The following SULF2 variants were observed in gnomAD, a reference collection of about 807,000 sequenced individuals.
The protein encoded by SULF2 is extracellular sulfatase Sulf-2.
A neutral mutation model predicts 107.7 loss-of-function variants in SULF2; 52 were observed. That is an observed-to-expected ratio of 0.48 (90% confidence interval 0.39 to 0.61). SULF2 has a LOEUF of 0.61. Among genes scored for constraint, SULF2 ranks in the 20% least tolerant of loss-of-function variants. The pLI is 0.00. For missense variants in SULF2, 993 were observed against 1,177.3 expected (o/e 0.84, Z 2.29); for synonymous variants, 460 against 464.3 (o/e 0.99, Z 0.12).
intron 4 of SULF2, among the ~76,000 whole-genome samples, chr20:47,692,016 T>C (rs2088212905): frequency 6.6e-6 from 1 of 152,186 alleles, no homozygotes; most frequent in African/African-American, 2.4e-5. Flanking sequence ...TCCTCCCACC[T>C]TGGCCTCCCA....
chr20:47,754,167 C>G (rs1198696214), intron 2 of SULF2, among the ~76,000 whole-genome samples: 1 of 152,264 alleles, frequency 6.6e-6, no homozygotes, highest in South Asian at 2.1e-4. Context: ...ACAAGCCCCT[C>G]GTCTTGTGTA....
At chr20:47,711,165 G>C (rs6066438) in intron 3 of SULF2, among the ~76,000 whole-genome samples, 22,208 of 152,200 alleles carry the variant, frequency 0.15, 1,987 homozygotes, top group Non-Finnish European at 0.2. Flanking sequence ...ACATGTCCCC[G>C]CCATGCCGGG....
In SULF2 at chr20:47,658,293, C is replaced by T; in HGVS notation, c.*69G>A. 2 of 1,547,540 alleles carry T rather than the reference C, an allele frequency of 1.3e-6. No individual in the cohort carries two copies. The highest frequency in any genetic ancestry group is 1.1e-5 in the South Asian group (1 of 89,718). ...CCACAGGTCTGCTGGAAATCACCCA[C>T]ATGGTTTTTCATTGCCTGTGCAGTC... is the stretch of plus-strand genomic sequence containing the variant. On this transcript the variant is annotated 3_prime_UTR_variant, in exon 21 of 21. Coordinates refer to ENST00000688720, the MANE Select transcript of SULF2 (RefSeq NM_001387048.1).
intron 2 of SULF2, among the ~76,000 whole-genome samples, chr20:47,750,641 T>C (rs1052539525): frequency 6.6e-6 from 1 of 152,222 alleles, no homozygotes; most frequent in Non-Finnish European, 1.5e-5. Context: ...TGTCCTCCTC[T>C]GCTCAATGTC....
chr20:47,785,950 C>G (rs1341520201), upstream of SULF2: 1 of 152,620 alleles, frequency 6.6e-6, no homozygotes, highest in Admixed American at 6.5e-5. Flanking sequence ...GAGCTGGGGT[C>G]CCGGCGGCTC....
At chr20:47,676,387 G>T in intron 10 of SULF2, 107 bp downstream of exon 10, 1 of 1,306,372 alleles carries the variant, frequency 7.7e-7, no homozygotes, top group Non-Finnish European at 1.0e-6. Flanking sequence ...AGGACTACCC[G>T]TTGGGAGGCC....
intron 2 of SULF2, among the ~76,000 whole-genome samples, chr20:47,741,004 C>T (rs1194159976): frequency 6.6e-6 from 1 of 152,144 alleles, no homozygotes; most frequent in Non-Finnish European, 1.5e-5. Flanking sequence ...AAGCCTGTTG[C>T]CCTCTCTTCA....
chr20:47,746,280 A>G lies in SULF2; in HGVS notation c.176-9338T>C, dbSNP rs1410688221. ...AGAGAACAGGCATTCAGTGGGGAAG[A>G]GAGGCTGTGGGGTCAGGTACAGGTT... On this transcript the variant is annotated intron_variant, in intron 2 of 20. Transcript: ENST00000688720. 2.0e-5 allele frequency among the ~76,000 whole-genome samples: 3 copies of G among 152,246 alleles called. No individual in the cohort carries two copies. In the East Asian group the frequency reaches 5.8e-4, roughly 29 times the overall value.
At position 47,682,806 on chromosome 20, in the gene SULF2, C is replaced by T. The variant is rs189296608; in HGVS notation, c.1064+188G>A. 1.3e-3 allele frequency among the ~76,000 whole-genome samples: 203 copies of T among 152,308 alleles called. 2 individuals are homozygous for T. Among genetic ancestry groups the T allele is most frequent in the Admixed American group, 0.012 (190 of 15,306 alleles). On this transcript the variant is annotated intron_variant, in intron 7 of 20. Transcript: ENST00000688720. ...CCACACCTGTTTCCACAGGTGCTAA[C>T]AGCTCCCGGCCTCTCCTTCCCCAGC...
intron 19 of SULF2, 107 bp from the exon 20 acceptor site, chr20:47,659,559 G>T: frequency 7.1e-7 from 1 of 1,402,608 alleles, no homozygotes; most frequent in Non-Finnish European, 1.0e-6. Context: ...CCTATCTTTG[G>T]TGGGTGATCC....
chr20:47,739,910 C>T (rs4809648), intron 2 of SULF2, among the ~76,000 whole-genome samples: 20,793 of 152,196 alleles, frequency 0.14, 1,424 homozygotes, highest in East Asian at 0.18. Flanking sequence ...CATTAAATAG[C>T]ATCACACAGG....
chr20:47,713,516 G>A (rs755328327), intron 3 of SULF2, among the ~76,000 whole-genome samples: 2 of 152,102 alleles, frequency 1.3e-5, no homozygotes, highest in Non-Finnish European at 2.9e-5. Context: ...TTGGGCAAGC[G>A]AGTGCTCCTG....
intron 11 of SULF2, among the ~76,000 whole-genome samples, chr20:47,671,946 G>T (rs1249017181): frequency 1.3e-5 from 2 of 152,274 alleles, no homozygotes; most frequent in South Asian, 4.1e-4. Context: ...CTGACCTCAG[G>T]TGATCTGCCT....
At chr20:47,767,584 T>C (rs1490759158) in intron 1 of SULF2, among the ~76,000 whole-genome samples, 2 of 152,224 alleles carry the variant, frequency 1.3e-5, no homozygotes, top group Non-Finnish European at 2.9e-5. Context: ...GAGACCATCC[T>C]GGTTAATGCG....
At chr20:47,784,972 C>G (rs2090897143) in intron 1 of SULF2, among the ~76,000 whole-genome samples, 2 of 152,276 alleles carry the variant, frequency 1.3e-5, no homozygotes, top group South Asian at 4.1e-4. Context: ...GGTCTAAACC[C>G]TAAGGGTCAA....
At chr20:47,707,418 C>T (rs1394766456) in intron 3 of SULF2, among the ~76,000 whole-genome samples, 1 of 152,206 alleles carries the variant, frequency 6.6e-6, no homozygotes, top group Admixed American at 6.5e-5. Context: ...CATCTAATCA[C>T]GTGCTTAGAG....
At chr20:47,672,546 T>C (rs1229796240) in intron 10 of SULF2, 153 bp from the exon 11 acceptor site, 7 of 984,572 alleles carry the variant, frequency 7.1e-6, no homozygotes, top group African/African-American at 1.8e-5. Context: ...ATGCCGCTTC[T>C]CTCCACTGCC....
chr20:47,779,572 C>G (rs936242575), intron 1 of SULF2, among the ~76,000 whole-genome samples: 2 of 152,184 alleles, frequency 1.3e-5, no homozygotes, highest in African/African-American at 4.8e-5. Flanking sequence ...TCATATCATT[C>G]TCTGACTTAA....
intron 1 of SULF2, among the ~76,000 whole-genome samples, chr20:47,760,124 C>T (rs2090386180): frequency 6.6e-6 from 1 of 152,228 alleles, no homozygotes; most frequent in South Asian, 2.1e-4. Context: ...CCCAGCCACC[C>T]TCCATGGACA....
Sources: gnomAD v4.1 joint callset for allele counts (sites outside exome capture counted in the v4.1 genomes callset) on GRCh38, gnomAD v4.1.1 for gene constraint, MANE v1.5 for transcripts, NCBI Gene and HGNC (gene_info 2026-07-23, HGNC 2026-07-21) for gene names.